The following DIP2C variants were observed in gnomAD, a reference collection of about 807,000 sequenced individuals.
The protein encoded by DIP2C is disco-interacting protein 2 homolog C.
DIP2C carries 33 observed loss-of-function variants against 192.4 expected under a neutral mutation model. The observed-to-expected ratio is 0.17, with a 90% CI of 0.13 to 0.23. DIP2C has a LOEUF of 0.23. Among genes scored for constraint, DIP2C ranks in the 10% least tolerant of loss-of-function variants. DIP2C has a pLI of 1.00. For missense variants in DIP2C, 1,537 were observed against 2,110.1 expected (o/e 0.73, Z 5.32); for synonymous variants, 979 against 864.1 (o/e 1.13, Z -2.33).
At position 308,054 on chromosome 10, in the gene DIP2C, G is replaced by A. The variant is rs541509523; in HGVS notation, c.3986+1977C>T. On this transcript the variant is annotated intron_variant, in intron 32 of 36. Transcript: ENST00000280886. Reference sequence around the variant, plus strand: ...CAGCAGGGAGGGTTCAGGGGTGCCTGGGCGGGGCCCAGCACACGGTCCATC... The same window carrying A: ...CAGCAGGGAGGGTTCAGGGGTGCCTAGGCGGGGCCCAGCACACGGTCCATC... Among the ~76,000 whole-genome samples, 17 of 151,494 alleles carry A rather than the reference G, an allele frequency of 1.1e-4. No individual in the cohort carries two copies. In the East Asian group the frequency reaches 3.3e-3, roughly 30 times the overall value.
At chr10:586,471 A>AC (rs1291998605) in intron 1 of DIP2C, among the ~76,000 whole-genome samples, 2 of 134,500 alleles carry the variant, frequency 1.5e-5, no homozygotes, top group African/African-American at 7.7e-5. Context: ...GCCAGAGGCC[A>AC]CCCCAGGCAG....
At chr10:555,130 A>G (rs1003896628) in intron 1 of DIP2C, among the ~76,000 whole-genome samples, 2 of 152,214 alleles carry the variant, frequency 1.3e-5, no homozygotes, top group African/African-American at 4.8e-5. Context: ...TATAAAATGT[A>G]AACCACAATC....
rs1017313683 is a variant in DIP2C at position 277,462 on chromosome 10, G to C, written c.4534C>G (p.Leu1512Val). 2 of 1,614,172 alleles carry C rather than the reference G, an allele frequency of 1.2e-6. No homozygotes were observed. Among genetic ancestry groups the C allele is most frequent in the African/African-American group, 1.3e-5 (1 of 75,036 alleles). ...ACCACGACCACCACTCCGACGATCA[G>C]GTAGTGCTCCTCCAGGACCACGTTG... ...VTNVVLEEHY[L>V]IVGVVVVVDI... Residue 1512 changes from leucine to valine, a missense_variant, in exon 37 of 37, where the codon CTG (leucine) becomes GTG (valine). By Grantham distance (32) the Leu-to-Val change is conservative. Around this residue, in one of 4 missense-constraint regions of DIP2C, gnomAD observed 341 missense variants for 551.7 expected, o/e 0.62. Transcript: ENST00000280886.
intron 1 of DIP2C, among the ~76,000 whole-genome samples, chr10:545,166 C>CCTTTTTTTTTTTTTTTTTTTTTTTTTTT (rs1554896881): frequency 1.2e-5 from 1 of 86,336 alleles, no homozygotes; most frequent in Non-Finnish European, 2.1e-5. Context: ...GGTGTTTTCC[C>CCTTTTTTTTTTTTTTTTTTTTTTTTTTT]TTTTTTTTTT....
intron 2 of DIP2C, among the ~76,000 whole-genome samples, chr10:477,886 G>C (rs900657274): frequency 8.0e-6 from 1 of 124,890 alleles, no homozygotes; most frequent in Admixed American, 8.3e-5. Flanking sequence ...AAACGAGAGA[G>C]AAGAAAAGGA....
chr10:571,926 G>A (rs964149923), intron 1 of DIP2C, among the ~76,000 whole-genome samples: 3 of 152,178 alleles, frequency 2.0e-5, no homozygotes, highest in East Asian at 1.9e-4. Context: ...CATCAACTGC[G>A]AATTATTTTG....
At chr10:618,919 A>C (rs1234876011) in intron 1 of DIP2C, among the ~76,000 whole-genome samples, 1 of 152,218 alleles carries the variant, frequency 6.6e-6, no homozygotes, top group Non-Finnish European at 1.5e-5. Flanking sequence ...ACCTGAAAGG[A>C]CAGGTCTGTG....
chr10:310,132 G>T (rs184524196), intron 31 of DIP2C, 40 bp from the exon 32 acceptor site: 4 of 1,572,478 alleles, frequency 2.5e-6, no homozygotes, highest in Admixed American at 1.7e-5. Flanking sequence ...AGTTTACATG[G>T]AGGGAGATTG....
At chr10:605,211 G>A (rs1440013817) in intron 1 of DIP2C, among the ~76,000 whole-genome samples, 1 of 152,220 alleles carries the variant, frequency 6.6e-6, no homozygotes, top group African/African-American at 2.4e-5. Flanking sequence ...CCTTCTAGAT[G>A]AAAGCAACGT....
At chr10:284,745 C>T (rs1027430410) in intron 34 of DIP2C, among the ~76,000 whole-genome samples, 1 of 149,230 alleles carries the variant, frequency 6.7e-6, no homozygotes, top group African/African-American at 2.5e-5. Flanking sequence ...ATGTTCTCAT[C>T]ACACACACAC....
chr10:319,691 A>G (rs1345857629), intron 31 of DIP2C, among the ~76,000 whole-genome samples: 2 of 152,210 alleles, frequency 1.3e-5, no homozygotes, highest in African/African-American at 4.8e-5. Context: ...TGATCTTTCT[A>G]ATGTCCACTT....
intron 1 of DIP2C, chr10:662,936 G>A (rs891586559): frequency 1.4e-5 from 10 of 717,340 alleles, no homozygotes; most frequent in Non-Finnish European, 2.1e-5. Context: ...TACGCTAATG[G>A]TTCTCAGCTC....
At chr10:508,001 T>C (rs1301288453) in intron 1 of DIP2C, among the ~76,000 whole-genome samples, 2 of 152,228 alleles carry the variant, frequency 1.3e-5, no homozygotes, top group Non-Finnish European at 2.9e-5. Context: ...CAGGAAGAGC[T>C]GCAACCACGT....
At chr10:669,082 G>A (rs1588731402) in intron 1 of DIP2C, 3 of 152,112 alleles carry the variant, frequency 2.0e-5, no homozygotes, top group Admixed American at 2.0e-4. Context: ...GCAAACTGAG[G>A]AGAAATTGGC....
chr10:418,872 T>C (rs1167297429), intron 6 of DIP2C, among the ~76,000 whole-genome samples, 193 bp downstream of exon 6: 1 of 152,260 alleles, frequency 6.6e-6, no homozygotes, highest in Admixed American at 6.5e-5. Flanking sequence ...GGAATAACTG[T>C]GGGCTCACTT....
intron 17 of DIP2C, among the ~76,000 whole-genome samples, chr10:371,771 C>T (rs1200941222): frequency 1.3e-5 from 2 of 152,178 alleles, no homozygotes; most frequent in Non-Finnish European, 2.9e-5. Flanking sequence ...CCCCTCAGCA[C>T]GTCCAGACGC....
intron 18 of DIP2C, 49 bp from the exon 19 acceptor site, chr10:366,460 G>T: frequency 6.2e-7 from 1 of 1,611,204 alleles, no homozygotes; most frequent in African/African-American, 1.3e-5. Context: ...GGCAGGTGGG[G>T]AGAATAAAGG....
intron 1 of DIP2C, among the ~76,000 whole-genome samples, chr10:588,825 C>T (rs1404002599): frequency 6.6e-6 from 1 of 152,224 alleles, no homozygotes; most frequent in Non-Finnish European, 1.5e-5. Flanking sequence ...CATCTGGACA[C>T]AGTTTTTCTT....
At chr10:486,198 A>G (rs1588269082) in intron 2 of DIP2C, among the ~76,000 whole-genome samples, 1 of 152,254 alleles carries the variant, frequency 6.6e-6, no homozygotes, top group East Asian at 1.9e-4. Flanking sequence ...CGATTATAGC[A>G]TTTTAAAGTA....
Sources: allele counts gnomAD v4.1 joint callset (sites outside exome capture counted in the v4.1 genomes callset), GRCh38; gene constraint gnomAD v4.1.1; regional missense constraint gnomAD v4.1.1; transcripts MANE v1.5; gene names NCBI Gene and HGNC (gene_info 2026-07-23, HGNC 2026-07-21).